Variants in ZYG11A observed in about 807,000 individuals in gnomAD.
ZYG11A encodes protein zyg-11 homolog A.
A neutral mutation model predicts 77.2 loss-of-function variants in ZYG11A; 62 were observed. That is an observed-to-expected ratio of 0.80 (90% CI 0.65 to 0.99). ZYG11A has a LOEUF of 0.99. Ranked by LOEUF, ZYG11A falls within the 50% of genes least tolerant of loss-of-function variation. The probability of loss-of-function intolerance (pLI) is 0.00; values close to 1 mark genes in which losing one functional copy is unlikely to be tolerated. For synonymous variants in ZYG11A, 315 were observed against 324.6 expected (o/e 0.97, Z 0.32); for missense variants, 828 against 896.8 (o/e 0.92, Z 0.98).
At chr1:52,866,058 C>T (rs967939140) in intron 5 of ZYG11A, among the ~76,000 whole-genome samples, 1 of 151,468 alleles carries the variant, frequency 6.6e-6, no homozygotes, top group Non-Finnish European at 1.5e-5. Context: ...CTGCCTCAGC[C>T]TCCCGAGTAG....
intron 10 of ZYG11A, among the ~76,000 whole-genome samples, chr1:52,880,319 G>T (rs1364732703): frequency 6.6e-6 from 1 of 152,054 alleles, no homozygotes; most frequent in Non-Finnish European, 1.5e-5. Context: ...CTAGTGTCTA[G>T]AGTGTGCTTT....
In ZYG11A at chr1:52,890,427, C is replaced by T. The variant is rs12041308; in HGVS notation, c.2105-2355C>T. On this transcript the variant is annotated intron_variant, in intron 13 of 13. Coordinates refer to ENST00000371528, the MANE Select transcript of ZYG11A (RefSeq NM_001004339.3). ...TTTTTTGTGTATTTTTAGTAGAAAC[C>T]GGGTTTCATCATGTTGGCCATTCTG... Among the ~76,000 whole-genome samples the T allele has an allele frequency of 5.0e-4, 75 of 150,400 alleles. No homozygotes were observed. The East Asian group carries it at 0.014, about 29-fold the overall frequency.
rs117537115 is a variant in ZYG11A, at chr1:52,871,760, C to G, written c.1542+3983C>G. Among the ~76,000 whole-genome samples, 262 of 152,248 alleles carry G rather than the reference C, an allele frequency of 1.7e-3. 3 individuals carry two copies. The East Asian group carries it at 0.038, about 22-fold the overall frequency. On this transcript the variant is annotated intron_variant, in intron 8 of 13. Transcript: ENST00000371528. Reference sequence around the variant, plus strand: ...TCGGATTTCTTTTAGTTATCCTTATCTATTTGTTGTTTCTGTGCAGACACC... The same window carrying G: ...TCGGATTTCTTTTAGTTATCCTTATGTATTTGTTGTTTCTGTGCAGACACC...
intron 10 of ZYG11A, among the ~76,000 whole-genome samples, chr1:52,879,199 C>T (rs562507425): frequency 6.6e-6 from 1 of 152,288 alleles, no homozygotes; most frequent in Admixed American, 6.5e-5. Context: ...ATAGTAAGCA[C>T]CTGCACTTTG....
chr1:52,855,009 C>T (rs537524457), intron 2 of ZYG11A, among the ~76,000 whole-genome samples: 19 of 152,144 alleles, frequency 1.2e-4, no homozygotes, highest in African/African-American at 4.3e-4. Flanking sequence ...GGATTACAGG[C>T]GCCCACCACA....
rs753356472 is a variant in ZYG11A at position 52,877,951 on chromosome 1, C to A, written c.1731C>A (p.Ser577Arg). Residue 577 changes from serine (S) to arginine (R), a missense_variant, in exon 10 of 14, where the codon AGC becomes AGA. Transcript: ENST00000371528. ...LETFSESAIQ[S>R]KVLGLLNNIA... ...CCTTTTCAGAGTCAGCAATACAAAGCAAAGTACTTGGTCTTTTGGTAAGGT... is the reference window on the plus strand; with the variant it reads ...CCTTTTCAGAGTCAGCAATACAAAGAAAAGTACTTGGTCTTTTGGTAAGGT... The A allele has an allele frequency of 6.4e-7, 1 of 1,551,532 alleles. No homozygotes were observed. Among genetic ancestry groups the A allele is most frequent in the South Asian group, 1.2e-5 (1 of 84,050 alleles).
At chr1:52,876,886 C>T (rs935524588) in intron 8 of ZYG11A, among the ~76,000 whole-genome samples, 1 of 152,160 alleles carries the variant, frequency 6.6e-6, no homozygotes, top group South Asian at 2.1e-4. Context: ...TCTTTTTCCT[C>T]TCACATGACA....
chr1:52,847,123 TGA>T (rs1645602510), intron 1 of ZYG11A, among the ~76,000 whole-genome samples: 1 of 151,484 alleles, frequency 6.6e-6, no homozygotes, highest in Non-Finnish European at 1.5e-5. Flanking sequence ...TGCGGTGGCG[TGA>T]TCTCGATCTC....
At position 52,866,526 on chromosome 1, in the gene ZYG11A, C is replaced by A; in HGVS notation, c.1350C>A (p.Ser450=). 1.3e-6 allele frequency: 2 copies of A among 1,538,900 alleles called. No individual in the cohort carries two copies. The highest frequency in any genetic ancestry group is 1.8e-6 in the Non-Finnish European group (2 of 1,136,020). The change falls in exon 6 of 14, where the codon TCC becomes TCA. Residue 450 remains serine, a synonymous_variant. Coordinates refer to ENST00000371528, the MANE Select transcript of ZYG11A (RefSeq NM_001004339.3). The stretch of plus-strand genomic sequence containing the variant: ...AGTTACAGAAGAATTGTCTTCTCTC[C>A]TTAACCAATTCCAGGATTCTTGTGG... The part of the protein sequence containing the change: ...YQQLQKNCLL[S]LTNSRILVDV...
chr1:52,843,853 A>AT (rs780064281), intron 1 of ZYG11A, among the ~76,000 whole-genome samples: 17 of 151,632 alleles, frequency 1.1e-4, no homozygotes, highest in Non-Finnish European at 1.8e-4. Flanking sequence ...TGCCCGACTC[A>AT]TTTTTTGTAT....
intron 1 of ZYG11A, among the ~76,000 whole-genome samples, chr1:52,849,301 C>T (rs1255151858): frequency 6.6e-6 from 1 of 152,060 alleles, no homozygotes; most frequent in Non-Finnish European, 1.5e-5. Flanking sequence ...ATCTCCTGAC[C>T]TTGTGATCTG....
At chr1:52,883,072 A>G (rs554765477) in intron 11 of ZYG11A, among the ~76,000 whole-genome samples, 30 of 150,726 alleles carry the variant, frequency 2.0e-4, no homozygotes, top group Admixed American at 4.6e-4. Flanking sequence ...TTCTATATCT[A>G]TTTTTCTCTT....
intron 11 of ZYG11A, among the ~76,000 whole-genome samples, chr1:52,882,726 GA>G (rs1190684038): frequency 6.6e-6 from 1 of 152,086 alleles, no homozygotes; most frequent in Non-Finnish European, 1.5e-5. Flanking sequence ...TACTTGTCAG[GA>G]TCACTGTTGA....
chr1:52,876,583 A>G (rs1320436758), intron 8 of ZYG11A, among the ~76,000 whole-genome samples: 1 of 152,196 alleles, frequency 6.6e-6, no homozygotes, highest in Non-Finnish European at 1.5e-5. Context: ...TCGTATGACC[A>G]AGGGCCTGGC....
intron 8 of ZYG11A, among the ~76,000 whole-genome samples, chr1:52,871,126 A>T (rs1571865000): frequency 1.3e-5 from 2 of 152,248 alleles, no homozygotes; most frequent in South Asian, 2.1e-4. Flanking sequence ...AAGTATTTTT[A>T]AAAAATTCTT....
chr1:52,857,522 CT>C lies in ZYG11A; in HGVS notation c.783del (p.Asp262IlefsTer12), dbSNP rs377463386. On this transcript the variant is annotated frameshift_variant, in exon 3 of 14. Transcript: ENST00000371528. LOFTEE classifies it high-confidence loss of function. ...VIRELKCLLH[L>X]DISDHRQLKS... ...TAGAGAACTTAAATGTCTGCTTCAC[CT>C]TGATATTTCTGATCACAGGCAACTC... 27 of 1,552,096 alleles carry C rather than the reference CT, an allele frequency of 1.7e-5. No homozygotes were observed. In the East Asian group the frequency reaches 6.6e-4, roughly 38 times the overall value.
intron 8 of ZYG11A, among the ~76,000 whole-genome samples, chr1:52,872,049 G>C (rs1646177070): frequency 6.6e-6 from 1 of 152,194 alleles, no homozygotes. Context: ...GTTTACAATA[G>C]AGATGAAATC....
rs1230885022 is a variant in ZYG11A, at chr1:52,892,961, T to A, written c.*4T>A. 2.6e-6 allele frequency: 4 copies of A among 1,550,698 alleles called. No homozygotes were observed. The stretch of plus-strand genomic sequence containing the variant: ...TCTGTGTCAAATGCCCTTCTGAACC[T>A]AAGGAATTTCAGAGGTGTGTGCTCT... On this transcript the variant is annotated 3_prime_UTR_variant, in exon 14 of 14. Coordinates refer to ENST00000371528, the MANE Select transcript of ZYG11A (RefSeq NM_001004339.3).
chr1:52,849,595 T>C (rs997969991), intron 1 of ZYG11A, among the ~76,000 whole-genome samples: 2 of 152,100 alleles, frequency 1.3e-5, no homozygotes, highest in East Asian at 1.9e-4. Context: ...CTTGAACTCC[T>C]GGCCTCAAGT....
Sources: gnomAD v4.1 joint callset for allele counts (sites outside exome capture counted in the v4.1 genomes callset) on GRCh38, gnomAD v4.1.1 for gene constraint, MANE v1.5 for transcripts, NCBI Gene and HGNC (gene_info 2026-07-23, HGNC 2026-07-21) for gene names.